The following PGGT1B variants were observed in gnomAD, a reference collection of about 807,000 sequenced individuals.
The protein encoded by PGGT1B is geranylgeranyl transferase type-1 subunit beta.
In PGGT1B, 30 loss-of-function variants were observed where a neutral mutation model predicts 46.1. That is an observed-to-expected ratio of 0.65 (90% CI 0.49 to 0.88). The LOEUF (loss-of-function observed/expected upper bound fraction) is 0.88, where lower values mean the gene tolerates loss of function less well. Ranked by LOEUF, PGGT1B falls within the 40% of genes least tolerant of loss-of-function variation. PGGT1B has a pLI of 0.00. For synonymous variants in PGGT1B, 170 were observed against 160.0 expected, an observed-to-expected ratio of 1.06 and a Z score of -0.47; for missense variants, 376 against 455.9, an observed-to-expected ratio of 0.82 and a Z score of 1.60.
chr5:115,251,736 G>T (rs1170995782), intron 2 of PGGT1B, among the ~76,000 whole-genome samples: 2 of 151,750 alleles, frequency 1.3e-5, no homozygotes, highest in Admixed American at 1.3e-4. Flanking sequence ...CAAGAACTTA[G>T]GGAATAGCTT....
At chr5:115,260,079 T>A (rs1336378115) in intron 1 of PGGT1B, among the ~76,000 whole-genome samples, 1 of 152,126 alleles carries the variant, frequency 6.6e-6, no homozygotes, top group Non-Finnish European at 1.5e-5. Context: ...TATAAACTAG[T>A]AACTATCATT....
chr5:115,221,868 G>A lies in PGGT1B; in HGVS notation c.799C>T (p.Pro267Ser). 6.2e-7 allele frequency: 1 copy of A among 1,607,536 alleles called. No homozygotes were observed. Among genetic ancestry groups the A allele is most frequent in the Non-Finnish European group, 8.5e-7 (1 of 1,177,242 alleles). ...CAAAAAGAATAACAGGTGTCTACAG[G>A]CTTATTAGGTCTTCCATGATAACCA... The part of the protein sequence containing the change: ...QNGYHGRPNK[P>S]VDTCYSFWVG... Residue 267 changes from proline (P) to serine (S), a missense_variant, in exon 7 of 9, where the codon CCT becomes TCT. Physicochemically the swap from Pro to Ser is moderately conservative, Grantham distance 74. Transcript: ENST00000419445.
chr5:115,233,264 C>T (rs1757053500), intron 5 of PGGT1B, among the ~76,000 whole-genome samples: 1 of 151,216 alleles, frequency 6.6e-6, no homozygotes, highest in African/African-American at 2.4e-5. Flanking sequence ...AAATTAAAAG[C>T]TAAAAACAGA....
At chr5:115,254,309 A>G (rs1748223496) in intron 1 of PGGT1B, among the ~76,000 whole-genome samples, 1 of 151,998 alleles carries the variant, frequency 6.6e-6, no homozygotes, top group Non-Finnish European at 1.5e-5. Flanking sequence ...TTGATTTTAG[A>G]ATATTTGCAT....
chr5:115,256,160 G>C (rs1304969825), intron 1 of PGGT1B, among the ~76,000 whole-genome samples: 1 of 152,140 alleles, frequency 6.6e-6, no homozygotes, highest in African/African-American at 2.4e-5. Context: ...AAACATTCTT[G>C]GTTGTCACAG....
chr5:115,262,723 G>T lies in PGGT1B; in HGVS notation c.129C>A (p.Leu43=). 1 of 1,609,532 alleles carries T rather than the reference G, an allele frequency of 6.2e-7. No individual in the cohort carries two copies. Among genetic ancestry groups the T allele is most frequent in the East Asian group, 2.2e-5 (1 of 44,598 alleles). ...LQVLPERYSS[L]ETSRLTIAFF... ...GTGCCACGAGTTACCTGCTTGTCTC[G>T]AGTGAAGAATAGCGCTCCGGCAAAA... The change falls in exon 1 of 9, where the codon CTC becomes CTA. Residue 43 remains leucine (L), a synonymous_variant. Coordinates refer to ENST00000419445, the MANE Select transcript of PGGT1B (RefSeq NM_005023.4).
intron 2 of PGGT1B, among the ~76,000 whole-genome samples, chr5:115,252,452 A>C (rs1748143075): frequency 6.6e-6 from 1 of 151,996 alleles, no homozygotes; most frequent in Non-Finnish European, 1.5e-5. Context: ...ACAAAAAAAA[A>C]CAAGCATGAT....
rs540755047 is a variant in PGGT1B, at chr5:115,220,770, CACTA to C, written c.843+1050_843+1053del. ...GCTAATTGTTTAGATGTGATAATGA[CACTA>C]AGGTTCTGTTTTTTTTAAAAAGTTA... On this transcript the variant is annotated intron_variant, in intron 7 of 8. Coordinates refer to ENST00000419445, the MANE Select transcript of PGGT1B (RefSeq NM_005023.4). Among the ~76,000 whole-genome samples the C allele has an allele frequency of 2.8e-3, 429 of 151,810 alleles. 1 individual carries two copies. The highest frequency in any genetic ancestry group is 7.2e-3 in the African/African-American group (297 of 41,462).
chr5:115,205,661 T>C lies in PGGT1B; in HGVS notation c.*6741A>G, dbSNP rs1756042174. The C allele has an allele frequency of 6.6e-6, 1 of 152,074 alleles. No homozygotes were observed. The highest frequency in any genetic ancestry group is 2.1e-4 in the South Asian group (1 of 4,820). 9.4% of individuals were successfully genotyped at this position (152,074 alleles called of 1,614,324 possible). A position where few individuals can be genotyped will look rare whatever the true frequency, so the allele number is the denominator to read the frequency against. On this transcript the variant is annotated 3_prime_UTR_variant, in exon 9 of 9. Coordinates refer to ENST00000419445, the MANE Select transcript of PGGT1B (RefSeq NM_005023.4). ...GAGGAACGAAGCCACAAAGGTCTTT[T>C]CTAATGCCACAATTATTACAAGTAG...
rs1756087415 is a variant in PGGT1B at position 115,207,130 on chromosome 5, TG to T, written c.*5271del. ...CTTTTTACTTTTGCTATCACAAAGG[TG>T]GTCTTCTCTTCAAGTATCTTCTAAC... On this transcript the variant is annotated 3_prime_UTR_variant, in exon 9 of 9. Transcript: ENST00000419445. 6.9e-6 allele frequency: 1 copy of T among 145,870 alleles called. No individual in the cohort carries two copies. Among genetic ancestry groups the T allele is most frequent in the Non-Finnish European group, 1.5e-5 (1 of 66,236 alleles). 9.0% of individuals were successfully genotyped at this position (145,870 alleles called of 1,614,324 possible).
At chr5:115,230,663 A>C (rs1347853218) in intron 6 of PGGT1B, among the ~76,000 whole-genome samples, 1 of 152,252 alleles carries the variant, frequency 6.6e-6, no homozygotes, top group African/African-American at 2.4e-5. Flanking sequence ...AGTTATGCCA[A>C]AGAAAACCTG....
At chr5:115,226,081 G>A (rs773121350) in intron 6 of PGGT1B, among the ~76,000 whole-genome samples, 9 of 151,580 alleles carry the variant, frequency 5.9e-5, no homozygotes, top group Non-Finnish European at 1.0e-4. Context: ...CTGAGTTGGC[G>A]GGGGTGGGGG....
At chr5:115,237,478 T>G (rs1757219064) in intron 4 of PGGT1B, among the ~76,000 whole-genome samples, 1 of 152,202 alleles carries the variant, frequency 6.6e-6, no homozygotes, top group Admixed American at 6.5e-5. Flanking sequence ...TATTCAGTGT[T>G]CACCCCTTTC....
intron 8 of PGGT1B, among the ~76,000 whole-genome samples, 181 bp downstream of exon 8, chr5:115,216,684 C>G (rs1474788417): frequency 6.6e-6 from 1 of 152,162 alleles, no homozygotes; most frequent in African/African-American, 2.4e-5. Flanking sequence ...TAAACTCTTT[C>G]ATTTATACTC....
chr5:115,225,144 C>T (rs892172159), intron 6 of PGGT1B, among the ~76,000 whole-genome samples: 3 of 152,008 alleles, frequency 2.0e-5, no homozygotes, highest in Non-Finnish European at 4.4e-5. Flanking sequence ...TAGTTGAAGA[C>T]ATAGTATGAA....
intron 2 of PGGT1B, among the ~76,000 whole-genome samples, chr5:115,244,822 C>A (rs1747748536): frequency 6.6e-6 from 1 of 152,124 alleles, no homozygotes; most frequent in African/African-American, 2.4e-5. Context: ...AATTCCTGAC[C>A]TCAAGTGATC....
At chr5:115,253,319 G>A (rs1440206279) in intron 1 of PGGT1B, 64 bp from the exon 2 acceptor site, 6 of 1,292,008 alleles carry the variant, frequency 4.6e-6, no homozygotes, top group African/African-American at 1.5e-5. Flanking sequence ...AAGTCTTCCT[G>A]GTCTAGAAAA....
intron 3 of PGGT1B, among the ~76,000 whole-genome samples, chr5:115,241,078 T>C (rs1443088249): frequency 6.6e-6 from 1 of 152,200 alleles, no homozygotes; most frequent in Non-Finnish European, 1.5e-5. Flanking sequence ...ACTACCTAGG[T>C]CTTCAATCAC....
intron 1 of PGGT1B, among the ~76,000 whole-genome samples, chr5:115,253,823 C>T (rs1748202753): frequency 6.6e-6 from 1 of 151,886 alleles, no homozygotes; most frequent in Admixed American, 6.6e-5. Context: ...CATTCTTTGG[C>T]AGAATGAAAA....
Sources: allele counts gnomAD v4.1 joint callset (sites outside exome capture counted in the v4.1 genomes callset), GRCh38; gene constraint gnomAD v4.1.1; transcripts MANE v1.5; gene names NCBI Gene and HGNC (gene_info 2026-07-23, HGNC 2026-07-21).